PKHD1: variants seen among roughly 807,000 people sequenced by gnomAD.
PKHD1 encodes the protein fibrocystin.
A neutral mutation model predicts 412.0 loss-of-function variants in PKHD1; 291 were observed. The observed-to-expected ratio is 0.71, with a 90% CI of 0.64 to 0.78. The LOEUF is 0.78. Ranked by LOEUF, PKHD1 falls within the 30% of genes least tolerant of loss-of-function variation. PKHD1 has a pLI of 0.00. For synonymous variants in PKHD1, 1,777 were observed against 1,821.5 expected, an observed-to-expected ratio of 0.98 and a Z score of 0.62; for missense variants, 4,825 against 4,950.7, an observed-to-expected ratio of 0.97 and a Z score of 0.76.
chr6:51,634,111 C>A (rs1052997505), intron 64 of PKHD1, among the ~76,000 whole-genome samples: 15 of 151,836 alleles, frequency 9.9e-5, no homozygotes, highest in Non-Finnish European at 5.9e-5. Context: ...ATTTTTAAAG[C>A]AGCTCATTCA....
At chr6:52,048,422 T>C (rs1806203761) in intron 23 of PKHD1, 70 bp downstream of exon 23, 3 of 1,394,194 alleles carry the variant, frequency 2.2e-6, no homozygotes, top group Admixed American at 3.3e-5. Flanking sequence ...CCTCCCAGGA[T>C]GTTGTTCCCT....
chr6:51,745,239 G>T (rs1785044218), intron 59 of PKHD1, among the ~76,000 whole-genome samples: 1 of 152,112 alleles, frequency 6.6e-6, no homozygotes, highest in African/African-American at 2.4e-5. Flanking sequence ...TTGAATGATG[G>T]TCCTTTCAAA....
chr6:52,086,079 T>TACAC lies in PKHD1; in HGVS notation c.-84-1066_-84-1063dup, dbSNP rs542649138. Reference sequence around the variant, plus strand: ...TTTAATATATATATACATACCTACATACACACACACACATACACACACACA... The same window carrying TACAC: ...TTTAATATATATATACATACCTACATACACACACACACACACATACACACACACA... On this transcript the variant is annotated intron_variant, in intron 1 of 66. Coordinates refer to ENST00000371117, the MANE Select transcript of PKHD1 (RefSeq NM_138694.4). Among the ~76,000 whole-genome samples the TACAC allele has an allele frequency of 3.8e-3, 557 of 146,428 alleles. 7 individuals carry two copies. Among genetic ancestry groups the TACAC allele is most frequent in the African/African-American group, 0.013 (543 of 40,444 alleles).
At chr6:51,801,155 G>A (rs777052028) in intron 52 of PKHD1, among the ~76,000 whole-genome samples, 36 of 152,146 alleles carry the variant, frequency 2.4e-4, no homozygotes, top group Non-Finnish European at 4.1e-4. Flanking sequence ...TTGTGGTCTC[G>A]TTTAACTTTG....
chr6:52,060,508 C>T (rs1000927103), intron 14 of PKHD1, among the ~76,000 whole-genome samples: 4 of 152,124 alleles, frequency 2.6e-5, no homozygotes, highest in Admixed American at 6.5e-5. Flanking sequence ...CACAGATAAG[C>T]GTCAATTCAA....
At position 51,617,927 on chromosome 6, in the gene PKHD1, T is replaced by C. The variant is rs548889112; in HGVS notation, c.*1154A>G. The C allele has an allele frequency of 1.7e-4, 26 of 151,028 alleles. No homozygotes were observed. Among genetic ancestry groups the C allele is most frequent in the African/African-American group, 6.2e-4 (25 of 40,398 alleles). The allele number at this position is 151,028 out of a possible 1,614,324, so 9.4% of individuals were successfully genotyped here. A position where few individuals can be genotyped will look rare whatever the true frequency, so the allele number is the denominator to read the frequency against. Reference sequence around the variant, plus strand: ...CAGGAAAATCTGAGAGCAATCTCTTTTTGGAAGCTCTCCACATTCCTGCGA... The same window carrying C: ...CAGGAAAATCTGAGAGCAATCTCTTCTTGGAAGCTCTCCACATTCCTGCGA... On this transcript the variant is annotated 3_prime_UTR_variant, in exon 67 of 67. Transcript: ENST00000371117.
Position 51,874,822 on chromosome 6 carries a change from G to A in PKHD1, c.7351-4183C>T, listed in dbSNP as rs1305990759. Among the ~76,000 whole-genome samples the A allele has an allele frequency of 5.4e-5, 6 of 111,306 alleles. 2 individuals are homozygous for A. The South Asian group carries it at 2.0e-3, about 37-fold the overall frequency. 73.0% of individuals were successfully genotyped at this position (111,306 alleles called of 152,430 possible). A position where few individuals can be genotyped will look rare whatever the true frequency, so the allele number is the denominator to read the frequency against. Reference sequence around the variant, plus strand: ...TCCCAGCGTGAGCGACGCAGAAGACGGGTGATTTCTGCATTTCCATCTGAG... The same window carrying A: ...TCCCAGCGTGAGCGACGCAGAAGACAGGTGATTTCTGCATTTCCATCTGAG... On this transcript the variant is annotated intron_variant, in intron 46 of 66. Transcript: ENST00000371117.
intron 48 of PKHD1, among the ~76,000 whole-genome samples, chr6:51,859,193 C>G (rs926221253): frequency 9.9e-5 from 15 of 152,084 alleles, no homozygotes; most frequent in Admixed American, 5.2e-4. Context: ...ATTCCTCCTG[C>G]CTCACCTATC....
chr6:51,745,890 C>G (rs2150969442), intron 59 of PKHD1, among the ~76,000 whole-genome samples: 1 of 152,204 alleles, frequency 6.6e-6, no homozygotes, highest in East Asian at 1.9e-4. Flanking sequence ...TGCCTACCTA[C>G]TCATGTTTAG....
intron 37 of PKHD1, among the ~76,000 whole-genome samples, chr6:51,933,718 A>G (rs1409489499): frequency 2.0e-5 from 3 of 152,238 alleles, no homozygotes; most frequent in Non-Finnish European, 4.4e-5. Flanking sequence ...AAATGGCTAA[A>G]GCATCGTAAC....
chr6:51,984,209 CAA>C lies in PKHD1; in HGVS notation c.5752-24185_5752-24184del, dbSNP rs567558254. On this transcript the variant is annotated intron_variant, in intron 35 of 66. Coordinates refer to ENST00000371117, the MANE Select transcript of PKHD1 (RefSeq NM_138694.4). ...TAATGCCATTAAAATTATCCTTTCC[CAA>C]AAGAGAACACAGTGACTAGATCAAT... is the stretch of plus-strand genomic sequence containing the variant. Among the ~76,000 whole-genome samples the C allele has an allele frequency of 3.9e-4, 60 of 152,278 alleles. No individual in the cohort carries two copies. In the East Asian group the frequency reaches 0.011, roughly 29 times the overall value.
At chr6:51,667,537 C>T (rs1333092604) in intron 60 of PKHD1, among the ~76,000 whole-genome samples, 74 of 150,356 alleles carry the variant, frequency 4.9e-4, no homozygotes, top group African/African-American at 1.8e-3. Context: ...TGTGCAGAAG[C>T]TCTTTAGTTT....
Position 52,054,043 on chromosome 6 carries a change from G to C in PKHD1, c.1959C>G (p.Pro653=), listed in dbSNP as rs940015253. ...TCDWSLTRTS[P]ESWQFDCTDL... Reference sequence around the variant, plus strand: ...CCTCCCCACCGATTAGCTACCTCTCGGGGCTGGTCCTCGTGAGACTCCAGT... The same window carrying C: ...CCTCCCCACCGATTAGCTACCTCTCCGGGCTGGTCCTCGTGAGACTCCAGT... The change falls in exon 20 of 67, where the codon CCC becomes CCG. Residue 653 remains proline, a synonymous_variant. Transcript: ENST00000371117. 1 of 1,613,818 alleles carries C rather than the reference G, an allele frequency of 6.2e-7. No individual in the cohort carries two copies. The highest frequency in any genetic ancestry group is 8.5e-7 in the Non-Finnish European group (1 of 1,179,826).
chr6:51,724,887 T>C (rs1011898170), intron 60 of PKHD1, among the ~76,000 whole-genome samples: 2 of 152,110 alleles, frequency 1.3e-5, no homozygotes, highest in Admixed American at 6.5e-5. Context: ...GCAGTGACCA[T>C]GCTAACAGCA....
intron 66 of PKHD1, among the ~76,000 whole-genome samples, chr6:51,624,540 T>C (rs1767007853): frequency 6.6e-6 from 1 of 152,206 alleles, no homozygotes; most frequent in Non-Finnish European, 1.5e-5. Context: ...CATCCTTTTG[T>C]ATAGTTGGTG....
intron 55 of PKHD1, among the ~76,000 whole-genome samples, chr6:51,764,645 CAA>C (rs2151083431): frequency 6.6e-6 from 1 of 151,964 alleles, no homozygotes; most frequent in Non-Finnish European, 1.5e-5. Flanking sequence ...TTCACAATAG[CAA>C]AGACTTGGAA....
At position 51,934,098 on chromosome 6, in the gene PKHD1, T is replaced by C; in HGVS notation, c.6121+12A>G. On this transcript the variant is annotated intron_variant, in intron 37 of 66. Transcript: ENST00000371117. ...CTCTACTTCATTTCCTCTGATCAATTGCCTCACTCACCGTGCAGAGAAAGA... is the reference window on the plus strand; with the variant it reads ...CTCTACTTCATTTCCTCTGATCAATCGCCTCACTCACCGTGCAGAGAAAGA... 1 of 1,583,794 alleles carries C rather than the reference T, an allele frequency of 6.3e-7. No individual in the cohort carries two copies. The highest frequency in any genetic ancestry group is 8.7e-7 in the Non-Finnish European group (1 of 1,152,316).
chr6:52,037,787 T>G (rs568992651), intron 27 of PKHD1, among the ~76,000 whole-genome samples: 1 of 152,204 alleles, frequency 6.6e-6, no homozygotes, highest in African/African-American at 2.4e-5. Flanking sequence ...TTTATCAAAA[T>G]TTTTAATGCA....
At chr6:51,941,785 G>A (rs1270753640) in intron 36 of PKHD1, among the ~76,000 whole-genome samples, 80 of 148,742 alleles carry the variant, frequency 5.4e-4, no homozygotes, top group African/African-American at 8.4e-4. Context: ...CTATTCCTTT[G>A]CACCCTTCAT....
Sources: allele counts gnomAD v4.1 joint callset (sites outside exome capture counted in the v4.1 genomes callset), GRCh38; gene constraint gnomAD v4.1.1; transcripts MANE v1.5; gene names NCBI Gene and HGNC (gene_info 2026-07-23, HGNC 2026-07-21).